The following ASIC4 variants were observed in gnomAD, a reference collection of about 807,000 sequenced individuals.
ASIC4 encodes acid sensing ion channel subunit family member 4.
ASIC4 carries 28 observed loss-of-function variants against 53.4 expected under a neutral mutation model. The observed-to-expected ratio is 0.52, with a 90% CI of 0.39 to 0.72. The LOEUF is 0.72. Among genes scored for constraint, ASIC4 ranks in the 30% least tolerant of loss-of-function variants. The pLI is 0.00. For missense variants in ASIC4, 649 were observed against 729.7 expected, an observed-to-expected ratio of 0.89 and a Z score of 1.27; for synonymous variants, 289 against 301.4, an observed-to-expected ratio of 0.96 and a Z score of 0.43.
intron 1 of ASIC4, among the ~76,000 whole-genome samples, chr2:219,531,511 G>A (rs972632170): frequency 1.3e-5 from 2 of 152,332 alleles, no homozygotes; most frequent in East Asian, 3.9e-4. Flanking sequence ...AAAACGGTGG[G>A]GGGAAGGCAG....
At chr2:219,523,802 T>C (rs975737285) in intron 1 of ASIC4, among the ~76,000 whole-genome samples, 1 of 149,888 alleles carries the variant, frequency 6.7e-6, no homozygotes, top group South Asian at 2.1e-4. Flanking sequence ...AAAGTGTTTA[T>C]GTTGTAAGTG....
chr2:219,534,466 C>G (rs1256530414), intron 5 of ASIC4, among the ~76,000 whole-genome samples: 1 of 152,228 alleles, frequency 6.6e-6, no homozygotes, highest in Non-Finnish European at 1.5e-5. Flanking sequence ...GGAGCACAGC[C>G]TCTGCCACCT....
At chr2:219,514,417 C>T, upstream of ASIC4, 1 of 1,549,366 alleles carries the variant, frequency 6.5e-7, no homozygotes, top group Non-Finnish European at 8.7e-7. Flanking sequence ...CGCTCGCTCG[C>T]AGGGACACAC....
At chr2:219,532,591 G>A in intron 4 of ASIC4, 114 bp downstream of exon 4, 1 of 1,376,552 alleles carries the variant, frequency 7.3e-7, no homozygotes, top group Non-Finnish European at 9.8e-7. Flanking sequence ...ACATGTGTAT[G>A]TGTCTGTACC....
chr2:219,513,826 G>A (rs1435542745), upstream of ASIC4, among the ~76,000 whole-genome samples: 1 of 152,260 alleles, frequency 6.6e-6, no homozygotes, highest in African/African-American at 2.4e-5. Context: ...AGAGGGGGCA[G>A]GGGCATGGTG....
intron 5 of ASIC4, among the ~76,000 whole-genome samples, chr2:219,534,912 G>C (rs1034906085): frequency 3.5e-5 from 5 of 143,580 alleles, no homozygotes; most frequent in Non-Finnish European, 8.0e-5. Context: ...TCTGGGCCAC[G>C]AGGACCCCCC....
chr2:219,517,810 G>A lies in ASIC4; in HGVS notation c.582+2504G>A, dbSNP rs1038993376. Among the ~76,000 whole-genome samples, 8 of 152,192 alleles carry A rather than the reference G, an allele frequency of 5.3e-5. No homozygotes were observed. The East Asian group carries it at 5.8e-4, about 11-fold the overall frequency. On this transcript the variant is annotated intron_variant, in intron 1 of 9. Transcript: ENST00000358078. The surrounding 1 kb of genome is among the most constrained non-coding windows in gnomAD (Gnocchi z 4.2). ...TGAGCTGGTTGGTGGGGAGCCTGCC[G>A]GGGTATGGGTGGTGAGATGGTCAGA...
rs1412914383 is a variant in ASIC4, at chr2:219,516,713, C to T, written c.582+1407C>T. ...TCACTCACCCGCTGCCTCAGGATCA[C>T]CAGGAAACATGCTCCAGCCAACGAG... On this transcript the variant is annotated intron_variant, in intron 1 of 9. Transcript: ENST00000358078. This position sits in a 1 kb window ranked among gnomAD's most constrained non-coding sequence, Gnocchi z 4.9. 1 of 152,386 alleles carries T rather than the reference C, an allele frequency of 6.6e-6. No homozygotes were observed. Among genetic ancestry groups the T allele is most frequent in the African/African-American group, 2.4e-5 (1 of 41,450 alleles). The allele number at this position is 152,386 out of a possible 1,614,324, so 9.4% of individuals were successfully genotyped here. A position where few individuals can be genotyped will look rare whatever the true frequency, so the allele number is the denominator to read the frequency against.
intron 1 of ASIC4, 58 bp from the exon 2 acceptor site, chr2:219,531,700 G>C (rs564012985): frequency 6.6e-7 from 1 of 1,525,214 alleles, no homozygotes; most frequent in African/African-American, 1.4e-5. Flanking sequence ...AGGGAACTTC[G>C]GAGTTGCCTT....
Position 219,538,136 on chromosome 2 carries a change from C to T in ASIC4, c.*90C>T, listed in dbSNP as rs985156900. Reference sequence around the variant, plus strand: ...CCTGCTCCTGGGAGAGGCCTGGGGGCGGTGCTCACTGGGAGGGCCAGGACT... The same window carrying T: ...CCTGCTCCTGGGAGAGGCCTGGGGGTGGTGCTCACTGGGAGGGCCAGGACT... On this transcript the variant is annotated 3_prime_UTR_variant, in exon 10 of 10. Transcript: ENST00000358078. The T allele has an allele frequency of 3.2e-5, 36 of 1,139,374 alleles. No homozygotes were observed. The highest frequency in any genetic ancestry group is 4.0e-5 in the Non-Finnish European group (31 of 774,568). 70.6% of individuals were successfully genotyped at this position (1,139,374 alleles called of 1,614,324 possible).
At chr2:219,522,536 T>C (rs1249303369) in intron 1 of ASIC4, among the ~76,000 whole-genome samples, 1 of 152,138 alleles carries the variant, frequency 6.6e-6, no homozygotes, top group African/African-American at 2.4e-5. Flanking sequence ...GTTCCGTTTC[T>C]GGTCGCAGCC....
intron 1 of ASIC4, among the ~76,000 whole-genome samples, chr2:219,519,880 C>T (rs1694858708): frequency 6.7e-6 from 1 of 150,092 alleles, no homozygotes; most frequent in African/African-American, 2.4e-5. Flanking sequence ...AGGATAGGGC[C>T]TGTGTCTGGG....
intron 1 of ASIC4, among the ~76,000 whole-genome samples, chr2:219,523,004 TG>T (rs1694912335): frequency 6.6e-6 from 1 of 151,876 alleles, no homozygotes; most frequent in Non-Finnish European, 1.5e-5. Flanking sequence ...GGGCCAGGCC[TG>T]GGCGGCCAGG....
At chr2:219,511,065 C>T (rs972388228), upstream of ASIC4, among the ~76,000 whole-genome samples, 12 of 152,230 alleles carry the variant, frequency 7.9e-5, no homozygotes, top group South Asian at 4.1e-4. The surrounding 1 kb of genome is among the most constrained non-coding windows in gnomAD (Gnocchi z 5.3). Flanking sequence ...TCACTTGGTC[C>T]GCACCAGGGC....
At chr2:219,532,188 G>A in intron 3 of ASIC4, 60 bp downstream of exon 3, 1 of 1,607,796 alleles carries the variant, frequency 6.2e-7, no homozygotes, top group Non-Finnish European at 8.5e-7. Flanking sequence ...GCTCAGAGGG[G>A]ATGTGGAGCA....
In ASIC4 at chr2:219,538,144, A is replaced by C; in HGVS notation, c.*98A>C. The C allele has an allele frequency of 9.7e-7, 1 of 1,033,786 alleles. No homozygotes were observed. The highest frequency in any genetic ancestry group is 1.4e-5 in the South Asian group (1 of 72,940). 64.0% of individuals were successfully genotyped at this position (1,033,786 alleles called of 1,614,324 possible). ...TGGGAGAGGCCTGGGGGCGGTGCTC[A>C]CTGGGAGGGCCAGGACTCAGTTCCT... On this transcript the variant is annotated 3_prime_UTR_variant, in exon 10 of 10. Transcript: ENST00000358078.
In ASIC4 at chr2:219,537,200, C is replaced by A. The variant is rs376408717; in HGVS notation, c.1322-42C>A. The A allele has an allele frequency of 6.2e-7, 1 of 1,611,480 alleles. No homozygotes were observed. Among genetic ancestry groups the A allele is most frequent in the Non-Finnish European group, 8.5e-7 (1 of 1,177,992 alleles). ...GCCCCCAGCTTGTGTGGGGGTGGAT[C>A]GGCCCGGCCGCTCCCTCTGACACTG... On this transcript the variant is annotated intron_variant, in intron 7 of 9. Coordinates refer to ENST00000358078, the MANE Select transcript of ASIC4 (RefSeq NM_018674.6). This position sits in a 1 kb window ranked among gnomAD's most constrained non-coding sequence, Gnocchi z 4.9.
In ASIC4 at chr2:219,532,918, G is replaced by A. The variant is rs766088954; in HGVS notation, c.1054G>A (p.Glu352Lys). ...CATCTGCCCACCAAATATCTACATCGAGTGTGCAGACCACACACTGGGTCC... is the reference window on the plus strand; with the variant it reads ...CATCTGCCCACCAAATATCTACATCAAGTGTGCAGACCACACACTGGGTCC... ...ETICPPNIYI[E>K]CADHTLDSLG... The change falls in exon 5 of 10, where the codon GAG becomes AAG. Residue 352 changes from glutamate to lysine, a missense_variant. By Grantham distance (56) the Glu-to-Lys change is moderately conservative (BLOSUM62 1). Transcript: ENST00000358078. 2.5e-6 allele frequency: 4 copies of A among 1,613,806 alleles called. No homozygotes were observed. Among genetic ancestry groups the A allele is most frequent in the African/African-American group, 2.7e-5 (2 of 74,846 alleles).
upstream of ASIC4, among the ~76,000 whole-genome samples, chr2:219,510,923 C>T (rs998256213): frequency 2.8e-4 from 42 of 152,088 alleles, no homozygotes; most frequent in Admixed American, 2.6e-3. This position sits in a 1 kb window ranked among gnomAD's most constrained non-coding sequence, Gnocchi z 5.2. Context: ...AGCCGCCGTC[C>T]GCCCCCCGCC....
Sources: allele counts gnomAD v4.1 joint callset (sites outside exome capture counted in the v4.1 genomes callset), GRCh38; gene constraint gnomAD v4.1.1; non-coding constraint Gnocchi (gnomAD v3.1); transcripts MANE v1.5; gene names NCBI Gene and HGNC (gene_info 2026-07-23, HGNC 2026-07-21).